The following SUCLG2 variants were observed in gnomAD, a reference collection of about 807,000 sequenced individuals.
SUCLG2 encodes succinate--CoA ligase [GDP-forming] subunit beta, mitochondrial.
SUCLG2 carries 42 observed loss-of-function variants against 47.9 expected under a neutral mutation model. The ratio of observed to expected loss-of-function variants is 0.88; its 90% CI spans 0.69 to 1.14. The LOEUF is 1.14. Ranked by LOEUF, SUCLG2 falls within the 50% of genes most tolerant of loss-of-function variation. The pLI is 0.00. For synonymous variants in SUCLG2, 195 were observed against 197.3 expected, an observed-to-expected ratio of 0.99 and a Z score of 0.10; for missense variants, 571 against 525.9, an observed-to-expected ratio of 1.09 and a Z score of -0.84.
intron 6 of SUCLG2, chr3:67,513,929 G>T (rs1705866752): frequency 5.7e-6 from 1 of 175,610 alleles, no homozygotes. Context: ...GTTGTGCGCT[G>T]CATCGCCAAG....
chr3:67,545,683 G>A (rs2772473), intron 2 of SUCLG2, among the ~76,000 whole-genome samples: 14,144 of 151,810 alleles, frequency 0.093, 946 homozygotes, highest in East Asian at 0.22. Context: ...ACTTTCTTTG[G>A]TTTCCTCCTT....
intron 2 of SUCLG2, among the ~76,000 whole-genome samples, chr3:67,551,199 C>T (rs573343445): frequency 6.6e-6 from 1 of 152,272 alleles, no homozygotes; most frequent in South Asian, 2.1e-4. Flanking sequence ...GGGTTAGATG[C>T]CTTCAAAAGC....
At chr3:67,624,404 A>G (rs1353395224) in intron 1 of SUCLG2, among the ~76,000 whole-genome samples, 1 of 152,244 alleles carries the variant, frequency 6.6e-6, no homozygotes, top group Non-Finnish European at 1.5e-5. Context: ...ATTCTTGTTG[A>G]TGAATAAAAT....
At chr3:67,617,152 T>A (rs1459485344) in intron 1 of SUCLG2, among the ~76,000 whole-genome samples, 5 of 152,184 alleles carry the variant, frequency 3.3e-5, no homozygotes. Flanking sequence ...TGTCTCAATA[T>A]AAGTGTCATA....
intron 1 of SUCLG2, among the ~76,000 whole-genome samples, chr3:67,627,562 T>C (rs1442366319): frequency 6.6e-6 from 1 of 152,240 alleles, no homozygotes; most frequent in Non-Finnish European, 1.5e-5. Context: ...TAGGTGTTCA[T>C]TGCTCTGCGG....
At chr3:67,558,253 A>G (rs1454569521) in intron 2 of SUCLG2, among the ~76,000 whole-genome samples, 1 of 152,028 alleles carries the variant, frequency 6.6e-6, no homozygotes, top group African/African-American at 2.4e-5. Flanking sequence ...ATGCAGCTCC[A>G]TGGAAAGCCA....
intron 9 of SUCLG2, among the ~76,000 whole-genome samples, chr3:67,447,889 C>T (rs1002342822): frequency 1.3e-5 from 2 of 151,992 alleles, no homozygotes; most frequent in Non-Finnish European, 2.9e-5. Flanking sequence ...CCACCATGGC[C>T]GGCTAATTTT....
chr3:67,493,691 C>T (rs532085878), intron 9 of SUCLG2, among the ~76,000 whole-genome samples: 89 of 152,152 alleles, frequency 5.8e-4, no homozygotes, highest in Admixed American at 1.1e-3. Context: ...TTATTACAAT[C>T]GTCTGTCCTC....
At chr3:67,521,911 G>A (rs983512532) in intron 4 of SUCLG2, among the ~76,000 whole-genome samples, 5 of 151,876 alleles carry the variant, frequency 3.3e-5, no homozygotes, top group African/African-American at 7.3e-5. Flanking sequence ...AAGCCACCAC[G>A]CCTGGCCTCT....
intron 4 of SUCLG2, among the ~76,000 whole-genome samples, chr3:67,526,797 A>G (rs1706268603): frequency 6.6e-6 from 1 of 152,356 alleles, no homozygotes; most frequent in East Asian, 1.9e-4. Context: ...GTTTCTTAAA[A>G]AAACTAATTA....
intron 4 of SUCLG2, 120 bp downstream of exon 4, chr3:67,528,012 A>G: frequency 1.2e-6 from 1 of 850,174 alleles, no homozygotes; most frequent in South Asian, 1.8e-5. Context: ...AGCTTTAAAA[A>G]ATAAAATGGC....
rs192637919 is a variant in SUCLG2 at position 67,531,851 on chromosome 3, C to T, written c.227-2665G>A. On this transcript the variant is annotated intron_variant, in intron 2 of 10. Coordinates refer to ENST00000307227, the MANE Select transcript of SUCLG2 (RefSeq NM_003848.4). ...GTGCTGAAAATTAAGATGACAAATC[C>T]CACTCAACAGTAACTCGTCTCTTCA... 2.0e-5 allele frequency among the ~76,000 whole-genome samples: 3 copies of T among 152,072 alleles called. No homozygotes were observed. The East Asian group carries it at 5.8e-4, about 30-fold the overall frequency.
chr3:67,542,290 T>G (rs1043339232), intron 2 of SUCLG2, among the ~76,000 whole-genome samples: 64 of 152,304 alleles, frequency 4.2e-4, no homozygotes, highest in African/African-American at 1.5e-3. Context: ...TGAGAGATTT[T>G]GTTACCACCA....
intron 9 of SUCLG2, among the ~76,000 whole-genome samples, chr3:67,483,760 T>C (rs1704977873): frequency 6.6e-6 from 1 of 152,170 alleles, no homozygotes; most frequent in African/African-American, 2.4e-5. Flanking sequence ...AGTAACTGAT[T>C]TCACAAAGGG....
At chr3:67,539,148 GA>G (rs1435428690) in intron 2 of SUCLG2, among the ~76,000 whole-genome samples, 1 of 152,154 alleles carries the variant, frequency 6.6e-6, no homozygotes, top group Non-Finnish European at 1.5e-5. Flanking sequence ...ATTTTCAAAG[GA>G]AATGCTTCCT....
intron 1 of SUCLG2, among the ~76,000 whole-genome samples, chr3:67,652,076 T>C (rs1181032333): frequency 3.4e-5 from 5 of 148,310 alleles, no homozygotes; most frequent in East Asian, 3.9e-4. Flanking sequence ...AAAAACTATA[T>C]GAAAAATAAG....
chr3:67,493,744 C>T (rs902837532), intron 9 of SUCLG2, among the ~76,000 whole-genome samples: 2 of 151,964 alleles, frequency 1.3e-5, no homozygotes, highest in Non-Finnish European at 2.9e-5. Context: ...CTGTGTGTCT[C>T]GGTATTTACA....
intron 1 of SUCLG2, among the ~76,000 whole-genome samples, chr3:67,653,197 C>G (rs938067246): frequency 6.6e-6 from 1 of 152,226 alleles, no homozygotes; most frequent in African/African-American, 2.4e-5. Context: ...CAAGTCTACA[C>G]TCATGGTAAG....
In SUCLG2 at chr3:67,443,239, G is replaced by C. The variant is rs144379055; in HGVS notation, c.1063-42388C>G. Among the ~76,000 whole-genome samples, 549 of 152,120 alleles carry C rather than the reference G, an allele frequency of 3.6e-3. 3 individuals are homozygous for C. Among genetic ancestry groups the C allele is most frequent in the African/African-American group, 0.012 (505 of 41,484 alleles). On this transcript the variant is annotated intron_variant, in intron 9 of 10. Coordinates refer to ENST00000307227, the MANE Select transcript of SUCLG2 (RefSeq NM_003848.4). ...ATTTTGGTATCTGCAAGGGAGTCTG[G>C]AACCAATTCCCCAAGGATATTGAGG...
Sources: allele counts gnomAD v4.1 joint callset (sites outside exome capture counted in the v4.1 genomes callset), GRCh38; gene constraint gnomAD v4.1.1; transcripts MANE v1.5; gene names NCBI Gene and HGNC (gene_info 2026-07-23, HGNC 2026-07-21).